Variants in AGBL4 observed in about 807,000 individuals in gnomAD.
The protein encoded by AGBL4 is cytosolic carboxypeptidase 6.
A neutral mutation model predicts 66.4 loss-of-function variants in AGBL4; 58 were observed. That is an observed-to-expected ratio of 0.87 (90% CI 0.71 to 1.09). AGBL4 has a LOEUF of 1.09. AGBL4 is among the 50% of genes least tolerant of loss of function. The pLI is 0.00. For missense variants in AGBL4, 579 were observed against 631.0 expected, an observed-to-expected ratio of 0.92 and a Z score of 0.88; for synonymous variants, 234 against 222.9, an observed-to-expected ratio of 1.05 and a Z score of -0.44.
At chr1:48,839,336 T>C (rs1646748318) in intron 6 of AGBL4, among the ~76,000 whole-genome samples, 1 of 152,104 alleles carries the variant, frequency 6.6e-6, no homozygotes, top group South Asian at 2.1e-4. Context: ...TATACATAAA[T>C]GTGTGTGTAT....
chr1:49,081,888 A>T (rs891217842), intron 4 of AGBL4, among the ~76,000 whole-genome samples: 3 of 152,160 alleles, frequency 2.0e-5, no homozygotes, highest in African/African-American at 7.2e-5. Flanking sequence ...AAGAGTAATG[A>T]CCTTTTCCAC....
intron 6 of AGBL4, among the ~76,000 whole-genome samples, chr1:48,798,811 A>G (rs543692383): frequency 6.6e-6 from 1 of 152,154 alleles, no homozygotes; most frequent in Non-Finnish European, 1.5e-5. Flanking sequence ...CGCTTTGTCA[A>G]AGATCAGTTG....
chr1:48,749,714 C>A (rs533772483), intron 6 of AGBL4, among the ~76,000 whole-genome samples: 7 of 152,216 alleles, frequency 4.6e-5, no homozygotes. Context: ...CCTCTAGAAG[C>A]TCTGAACTTA....
At chr1:49,483,449 A>C (rs1315240840) in intron 3 of AGBL4, among the ~76,000 whole-genome samples, 3 of 152,042 alleles carry the variant, frequency 2.0e-5, no homozygotes, top group African/African-American at 7.2e-5. Context: ...AATACCAATG[A>C]AATTATTCAC....
At chr1:49,637,551 C>T (rs925156078) in intron 3 of AGBL4, among the ~76,000 whole-genome samples, 3 of 152,100 alleles carry the variant, frequency 2.0e-5, no homozygotes, top group Admixed American at 6.6e-5. Context: ...GATCTGCATG[C>T]CTTGGCCTCC....
intron 3 of AGBL4, among the ~76,000 whole-genome samples, chr1:49,605,570 G>A (rs1427842899): frequency 2.0e-5 from 3 of 152,136 alleles, no homozygotes; most frequent in African/African-American, 7.2e-5. Context: ...ACATTTTTAT[G>A]AAGTATGAAT....
chr1:48,741,000 G>A (rs534386555), intron 6 of AGBL4, among the ~76,000 whole-genome samples: 9 of 152,304 alleles, frequency 5.9e-5, no homozygotes, highest in South Asian at 4.1e-4. Flanking sequence ...TTCAACTCAC[G>A]TGTAAAAATA....
chr1:49,236,153 C>T (rs894548682), intron 4 of AGBL4, among the ~76,000 whole-genome samples: 1 of 152,076 alleles, frequency 6.6e-6, no homozygotes, highest in South Asian at 2.1e-4. Context: ...CCTCAGCTTC[C>T]TGAATAGCTG....
At chr1:49,078,738 C>T (rs1414521059) in intron 4 of AGBL4, among the ~76,000 whole-genome samples, 1 of 152,130 alleles carries the variant, frequency 6.6e-6, no homozygotes, top group Non-Finnish European at 1.5e-5. Context: ...TATCTTTCTC[C>T]TGGACCACTT....
chr1:49,796,927 G>A (rs909143534), intron 2 of AGBL4, among the ~76,000 whole-genome samples: 2 of 151,962 alleles, frequency 1.3e-5, no homozygotes, highest in Admixed American at 6.6e-5. Context: ...TATAGTTAAC[G>A]AATTGCAGTG....
intron 4 of AGBL4, among the ~76,000 whole-genome samples, chr1:49,073,920 C>A (rs1331419547): frequency 6.6e-6 from 1 of 152,194 alleles, no homozygotes; most frequent in Non-Finnish European, 1.5e-5. Context: ...CTGACTGGGG[C>A]TGCTGCTTTT....
At chr1:49,832,655 C>A (rs1197513315) in intron 2 of AGBL4, among the ~76,000 whole-genome samples, 1 of 150,822 alleles carries the variant, frequency 6.6e-6, no homozygotes, top group Non-Finnish European at 1.5e-5. Context: ...CTCTCCAGCA[C>A]CTGTTGTTTC....
intron 6 of AGBL4, among the ~76,000 whole-genome samples, chr1:48,733,936 G>T (rs1648586560): frequency 6.6e-6 from 1 of 152,160 alleles, no homozygotes; most frequent in South Asian, 2.1e-4. Flanking sequence ...CACAGCAGAT[G>T]ATTTTATACC....
chr1:49,121,113 A>G (rs1399820340), intron 4 of AGBL4, among the ~76,000 whole-genome samples: 1 of 151,896 alleles, frequency 6.6e-6, no homozygotes, highest in African/African-American at 2.4e-5. Flanking sequence ...TGCCTAACCT[A>G]TTTTCAAGGT....
intron 1 of AGBL4, among the ~76,000 whole-genome samples, chr1:49,912,077 C>A (rs185256468): frequency 1.3e-5 from 2 of 152,200 alleles, no homozygotes; most frequent in Non-Finnish European, 2.9e-5. Context: ...TGCGCTAAGA[C>A]CTGCTACAAC....
chr1:49,606,879 C>T (rs1031080319), intron 3 of AGBL4, among the ~76,000 whole-genome samples: 3 of 151,990 alleles, frequency 2.0e-5, no homozygotes, highest in African/African-American at 7.2e-5. Context: ...GTCAATCTAC[C>T]ACATTCATGG....
At chr1:49,545,918 G>C (rs189449185) in intron 3 of AGBL4, among the ~76,000 whole-genome samples, 197 of 152,236 alleles carry the variant, frequency 1.3e-3, no homozygotes, top group African/African-American at 4.5e-3. Flanking sequence ...GAGTACAGGT[G>C]GTAATTGGTT....
At chr1:49,417,409 A>G (rs574191579) in intron 3 of AGBL4, among the ~76,000 whole-genome samples, 10 of 152,252 alleles carry the variant, frequency 6.6e-5, no homozygotes, top group Admixed American at 3.9e-4. Flanking sequence ...TGTTCTTAAT[A>G]TGAGTAAAAC....
chr1:49,738,742 T>A (rs940584607), intron 2 of AGBL4, among the ~76,000 whole-genome samples: 2 of 152,186 alleles, frequency 1.3e-5, no homozygotes, highest in Non-Finnish European at 2.9e-5. Flanking sequence ...ACATTTGCTG[T>A]TCACCAATAT....
Sources: gnomAD v4.1 joint callset for allele counts (sites outside exome capture counted in the v4.1 genomes callset) on GRCh38, gnomAD v4.1.1 for gene constraint, MANE v1.5 for transcripts, NCBI Gene and HGNC (gene_info 2026-07-23, HGNC 2026-07-21) for gene names.